The following RHCE variants were observed in gnomAD, a reference collection of about 807,000 sequenced individuals.
RHCE encodes blood group Rh(CE) polypeptide.
Under a neutral mutation model 43.8 loss-of-function variants are expected in RHCE, and 22 were observed. The ratio of observed to expected loss-of-function variants is 0.50; its 90% CI spans 0.36 to 0.72. The LOEUF (loss-of-function observed/expected upper bound fraction) is 0.72, where lower values mean the gene tolerates loss of function less well. Ranked by LOEUF, RHCE falls within the 30% of genes least tolerant of loss-of-function variation. The pLI is 0.00. For missense variants in RHCE, 385 were observed against 525.4 expected, an observed-to-expected ratio of 0.73 and a Z score of 2.61; for synonymous variants, 156 against 210.7, an observed-to-expected ratio of 0.74 and a Z score of 2.25.
intron 3 of RHCE, among the ~76,000 whole-genome samples, chr1:25,394,404 C>T (rs11485790): frequency 0.016 from 2,391 of 152,162 alleles, 54 homozygotes; most frequent in African/African-American, 0.054. Context: ...GTGGCTTGTG[C>T]ACTCGTTACC....
intron 6 of RHCE, 138 bp downstream of exon 6, chr1:25,388,838 T>TCG: frequency 7.1e-7 from 1 of 1,415,372 alleles, no homozygotes; most frequent in Non-Finnish European, 9.8e-7. Context: ...GATGGATCCC[T>TCG]CGCTAGGCGT....
At chr1:25,386,860 C>A (rs1646186945) in intron 6 of RHCE, among the ~76,000 whole-genome samples, 1 of 151,214 alleles carries the variant, frequency 6.6e-6, no homozygotes, top group African/African-American at 2.4e-5. Flanking sequence ...CACACACACA[C>A]ACACACACAC....
chr1:25,380,459 T>G (rs921599257), intron 7 of RHCE, among the ~76,000 whole-genome samples: 1 of 151,572 alleles, frequency 6.6e-6, no homozygotes, highest in African/African-American at 2.4e-5. Flanking sequence ...CATTCTGGGG[T>G]CTTGGCGGTG....
chr1:25,401,619 G>C (rs1421135209), intron 3 of RHCE, among the ~76,000 whole-genome samples: 1 of 152,210 alleles, frequency 6.6e-6, no homozygotes, highest in Non-Finnish European at 1.5e-5. Flanking sequence ...CTCCCAATGA[G>C]AGGACATGTG....
Position 25,406,602 on chromosome 1 carries a change from C to A in RHCE, c.335+2081G>T, listed in dbSNP as rs1417612770. 2.6e-5 allele frequency among the ~76,000 whole-genome samples: 3 copies of A among 113,940 alleles called. 1 individual carries two copies. The allele number at this position is 113,940 out of a possible 152,430, so 74.7% of individuals were successfully genotyped here. On this transcript the variant is annotated intron_variant, in intron 2 of 9. Coordinates refer to ENST00000294413, the MANE Select transcript of RHCE (RefSeq NM_020485.8). ...TACTAGGATTACAGGCATGAACCAC[C>A]GCGCCTGGCCTAAAACTGTTGTTTT...
At chr1:25,383,322 A>G (rs924135945) in intron 7 of RHCE, among the ~76,000 whole-genome samples, 1 of 152,216 alleles carries the variant, frequency 6.6e-6, no homozygotes, top group Non-Finnish European at 1.5e-5. Context: ...ATTAATGCAA[A>G]GTCAACTGAC....
chr1:25,369,842 G>A (rs1490764842), intron 9 of RHCE, among the ~76,000 whole-genome samples: 1 of 146,090 alleles, frequency 6.8e-6, no homozygotes, highest in Non-Finnish European at 1.5e-5. Context: ...GATTTCAAGC[G>A]ATTCTCTTGC....
rs1185701938 is a variant in RHCE, at chr1:25,406,631, T to G, written c.335+2052A>C. On this transcript the variant is annotated intron_variant, in intron 2 of 9. Transcript: ENST00000294413. Reference sequence around the variant, plus strand: ...CCTGGCCTAAAACTGTTGTTTTTGGTTTTTTTTTTTTTGAGACAGAGTCTC... The same window carrying G: ...CCTGGCCTAAAACTGTTGTTTTTGGGTTTTTTTTTTTTGAGACAGAGTCTC... 2.8e-5 allele frequency among the ~76,000 whole-genome samples: 2 copies of G among 72,360 alleles called. 1 individual carries two copies. The highest frequency in any genetic ancestry group is 4.9e-5 in the Non-Finnish European group (2 of 40,532). The allele number at this position is 72,360 out of a possible 152,430, so 47.5% of individuals were successfully genotyped here. A position where few individuals can be genotyped will look rare whatever the true frequency, so the allele number is the denominator to read the frequency against.
chr1:25,396,792 G>A (rs903498364), intron 3 of RHCE, among the ~76,000 whole-genome samples: 3 of 152,226 alleles, frequency 2.0e-5, no homozygotes, highest in African/African-American at 7.2e-5. Context: ...TGAGATTGGA[G>A]GGGGATACAG....
intron 1 of RHCE, among the ~76,000 whole-genome samples, chr1:25,418,773 C>T (rs1479181814): frequency 6.6e-6 from 1 of 152,222 alleles, no homozygotes; most frequent in Non-Finnish European, 1.5e-5. Flanking sequence ...AGGCACCTCC[C>T]TCCAGAAGCC....
At chr1:25,418,664 A>G (rs1278823806) in intron 1 of RHCE, among the ~76,000 whole-genome samples, 2 of 152,174 alleles carry the variant, frequency 1.3e-5, no homozygotes, top group Non-Finnish European at 2.9e-5. Flanking sequence ...AGTCTGCTCT[A>G]GTGTGTGCAC....
At chr1:25,417,674 C>T (rs636206) in intron 1 of RHCE, among the ~76,000 whole-genome samples, 88,153 of 151,868 alleles carry the variant, frequency 0.58, 26,849 homozygotes, top group African/African-American at 0.75. Flanking sequence ...ATATTTCATT[C>T]TGATCTCTTT....
intron 3 of RHCE, among the ~76,000 whole-genome samples, chr1:25,392,717 T>G (rs1308204146): frequency 1.3e-5 from 2 of 151,716 alleles, no homozygotes; most frequent in Non-Finnish European, 2.9e-5. Flanking sequence ...ATTACAGGAG[T>G]GCACAACCAT....
At chr1:25,397,654 G>A (rs1376068054) in intron 3 of RHCE, among the ~76,000 whole-genome samples, 1 of 152,060 alleles carries the variant, frequency 6.6e-6, no homozygotes, top group Non-Finnish European at 1.5e-5. Flanking sequence ...GATGATGTCA[G>A]TTCCTGCCCT....
chr1:25,412,929 C>T (rs1216274439), intron 1 of RHCE, among the ~76,000 whole-genome samples: 1 of 151,934 alleles, frequency 6.6e-6, no homozygotes, highest in Admixed American at 6.6e-5. Context: ...GAGGCTGAGG[C>T]AGGAGAATCG....
chr1:25,380,595 T>G (rs1239399626), intron 7 of RHCE, among the ~76,000 whole-genome samples: 1 of 152,228 alleles, frequency 6.6e-6, no homozygotes, highest in Non-Finnish European at 1.5e-5. Flanking sequence ...TCTGCACACC[T>G]GCAAAATTAG....
At chr1:25,411,927 T>C (rs656735) in intron 1 of RHCE, among the ~76,000 whole-genome samples, 19 of 152,216 alleles carry the variant, frequency 1.2e-4, no homozygotes, top group African/African-American at 2.7e-4. Context: ...ATGCATAGGG[T>C]CCAGACTTAT....
At chr1:25,417,054 TCTA>T (rs1304618849) in intron 1 of RHCE, among the ~76,000 whole-genome samples, 5 of 151,992 alleles carry the variant, frequency 3.3e-5, no homozygotes, top group African/African-American at 1.2e-4. Flanking sequence ...ATAATCCTTC[TCTA>T]CTTTTTCTTT....
chr1:25,381,981 A>G (rs2124378562), intron 7 of RHCE, among the ~76,000 whole-genome samples: 1 of 151,230 alleles, frequency 6.6e-6, no homozygotes, highest in East Asian at 1.9e-4. Context: ...TTTAGCTCAC[A>G]GTTCTAGAGG....
Sources: allele counts gnomAD v4.1 joint callset (sites outside exome capture counted in the v4.1 genomes callset), GRCh38; gene constraint gnomAD v4.1.1; transcripts MANE v1.5; gene names NCBI Gene and HGNC (gene_info 2026-07-23, HGNC 2026-07-21).